Variants in KCTD3 observed in about 807,000 individuals in gnomAD.
The protein encoded by KCTD3 is potassium channel tetramerization domain containing 3, also known as BTB/POZ domain-containing protein KCTD3.
KCTD3 carries 41 observed loss-of-function variants against 85.8 expected under a neutral mutation model. The ratio of observed to expected loss-of-function variants is 0.48; its 90% CI spans 0.37 to 0.62. The LOEUF (loss-of-function observed/expected upper bound fraction) is 0.62, where lower values mean the gene tolerates loss of function less well. Ranked by LOEUF, KCTD3 falls within the 20% of genes least tolerant of loss-of-function variation. KCTD3 has a pLI of 0.00. For missense variants in KCTD3, 724 were observed against 989.9 expected (o/e 0.73, Z 3.60); for synonymous variants, 338 against 345.4 (o/e 0.98, Z 0.24).
At position 215,577,673 on chromosome 1, in the gene KCTD3, A is replaced by G; in HGVS notation, c.261A>G (p.Gly87=). The change falls in exon 5 of 18, where the codon GGA becomes GGG. Residue 87 remains glycine (G), a synonymous_variant. Transcript: ENST00000259154. The part of the protein sequence containing the change: ...FLRTKELDLR[G]VSINVLRHEA... Reference sequence around the variant, plus strand: ...TACATCATTTGTTTCTTTGTAGGGGAGTGAGTATTAATGTTCTCAGGCATG... The same window carrying G: ...TACATCATTTGTTTCTTTGTAGGGGGGTGAGTATTAATGTTCTCAGGCATG... 6.3e-7 allele frequency: 1 copy of G among 1,581,794 alleles called. No individual in the cohort carries two copies. The highest frequency in any genetic ancestry group is 8.7e-7 in the Non-Finnish European group (1 of 1,150,912).
chr1:215,584,964 T>C (rs553592872), intron 8 of KCTD3, among the ~76,000 whole-genome samples: 1 of 152,332 alleles, frequency 6.6e-6, no homozygotes, highest in Non-Finnish European at 1.5e-5. Context: ...AAGAAAAGTG[T>C]TCTTGACTCC....
At chr1:215,574,322 G>A (rs994983202) in intron 3 of KCTD3, among the ~76,000 whole-genome samples, 1 of 152,106 alleles carries the variant, frequency 6.6e-6, no homozygotes, top group Admixed American at 6.5e-5. Flanking sequence ...GGCAATTTAA[G>A]TATTCATGAT....
At position 215,604,112 on chromosome 1, in the gene KCTD3, C is replaced by A; in HGVS notation, c.1139-20C>A. 1 of 1,580,280 alleles carries A rather than the reference C, an allele frequency of 6.3e-7. No individual in the cohort carries two copies. Among genetic ancestry groups the A allele is most frequent in the South Asian group, 1.2e-5 (1 of 85,802 alleles). ...TATCGTTCCATAATGTATCACCTGT[C>A]AACTCTTGACTTTATATAGGTGTCA... is the stretch of plus-strand genomic sequence containing the variant. On this transcript the variant is annotated intron_variant, in intron 12 of 17. Coordinates refer to ENST00000259154, the MANE Select transcript of KCTD3 (RefSeq NM_016121.5).
intron 10 of KCTD3, among the ~76,000 whole-genome samples, chr1:215,600,492 CT>C (rs1383740520): frequency 4.6e-5 from 7 of 152,112 alleles, no homozygotes; most frequent in Non-Finnish European, 1.5e-5. Flanking sequence ...AGTTCTTCCC[CT>C]CTCTCCTGTG....
At chr1:215,604,323 T>C (rs1388650047) in intron 13 of KCTD3, 21 bp downstream of exon 13, 1 of 1,586,018 alleles carries the variant, frequency 6.3e-7, no homozygotes, top group Non-Finnish European at 8.6e-7. Flanking sequence ...TTCATTATAC[T>C]GGTAAGGAAC....
At chr1:215,576,055 TTTTG>T (rs912621174) in intron 4 of KCTD3, 81 bp downstream of exon 4, 5 of 828,146 alleles carry the variant, frequency 6.0e-6, no homozygotes, top group Admixed American at 3.0e-5. Context: ...AAAAGGTTTT[TTTTG>T]TTTGTTTTTT....
intron 9 of KCTD3, among the ~76,000 whole-genome samples, chr1:215,591,287 T>TTTCCTTCC (rs10592000): frequency 0.045 from 4,962 of 110,930 alleles, 180 homozygotes; most frequent in Middle Eastern, 0.064. Context: ...TCCTTCCTTC[T>TTTCCTTCC]TTCCTTCCTT....
intron 12 of KCTD3, among the ~76,000 whole-genome samples, chr1:215,603,047 G>A (rs571074701): frequency 2.5e-4 from 38 of 152,278 alleles, no homozygotes; most frequent in South Asian, 2.1e-4. Flanking sequence ...TGACAGAATT[G>A]AGAGGTTGTG....
chr1:215,577,410 T>G (rs1659628479), intron 4 of KCTD3, among the ~76,000 whole-genome samples: 1 of 152,144 alleles, frequency 6.6e-6, no homozygotes, highest in Non-Finnish European at 1.5e-5. Context: ...AGCCCTAATC[T>G]CTCCTTTAGT....
intron 15 of KCTD3, among the ~76,000 whole-genome samples, chr1:215,612,375 T>C (rs868823117): frequency 6.6e-6 from 1 of 152,144 alleles, no homozygotes; most frequent in Non-Finnish European, 1.5e-5. Context: ...ATTTGCATAA[T>C]CTTGGCACAG....
intron 1 of KCTD3, among the ~76,000 whole-genome samples, chr1:215,568,118 T>A (rs763089131): frequency 3.2e-4 from 49 of 152,268 alleles, no homozygotes; most frequent in Non-Finnish European, 5.3e-4. Context: ...TTGAGGACTT[T>A]ATTTAGTAGA....
intron 9 of KCTD3, among the ~76,000 whole-genome samples, chr1:215,589,528 G>A (rs1399460746): frequency 3.3e-5 from 5 of 152,080 alleles, no homozygotes; most frequent in African/African-American, 1.2e-4. Flanking sequence ...GCTACATAAA[G>A]CACAATAAGG....
At chr1:215,606,415 C>T (rs1204562730) in intron 13 of KCTD3, among the ~76,000 whole-genome samples, 1 of 152,014 alleles carries the variant, frequency 6.6e-6, no homozygotes, top group African/African-American at 2.4e-5. Flanking sequence ...AGAAAATTCT[C>T]CAATAGCAGA....
chr1:215,578,847 T>C (rs1314978373), intron 6 of KCTD3, among the ~76,000 whole-genome samples, 153 bp from the exon 7 acceptor site: 2 of 152,250 alleles, frequency 1.3e-5, no homozygotes, highest in Admixed American at 6.5e-5. Flanking sequence ...TATTTTTTAA[T>C]TGTAATTAAA....
chr1:215,611,961 C>T (rs1465856241), intron 15 of KCTD3, 40 bp downstream of exon 15: 6 of 1,319,656 alleles, frequency 4.5e-6, no homozygotes, highest in African/African-American at 1.4e-5. Flanking sequence ...TCAGAAGCCA[C>T]CTTTTGTCTT....
chr1:215,614,818 A>G (rs1655369599), intron 15 of KCTD3, among the ~76,000 whole-genome samples: 1 of 152,228 alleles, frequency 6.6e-6, no homozygotes, highest in African/African-American at 2.4e-5. Context: ...TTTTCAACAT[A>G]TCTGTTAATA....
At chr1:215,580,925 A>T (rs1267475721) in intron 8 of KCTD3, 1 of 464,232 alleles carries the variant, frequency 2.2e-6, no homozygotes, top group Admixed American at 2.4e-5. Context: ...TCTCAGGTTT[A>T]TATTTTCCTT....
At chr1:215,586,412 T>G (rs1208887221) in intron 8 of KCTD3, 83 bp from the exon 9 acceptor site, 6 of 1,130,310 alleles carry the variant, frequency 5.3e-6, no homozygotes, top group Non-Finnish European at 7.5e-6. Context: ...TTGTTGTTGT[T>G]TTTTGTTTTT....
chr1:215,610,112 T>C (rs1655171340), intron 14 of KCTD3, among the ~76,000 whole-genome samples: 1 of 151,920 alleles, frequency 6.6e-6, no homozygotes. Flanking sequence ...TATATCTTCA[T>C]AGACAAATGG....
Sources: gnomAD v4.1 joint callset for allele counts (sites outside exome capture counted in the v4.1 genomes callset) on GRCh38, gnomAD v4.1.1 for gene constraint, MANE v1.5 for transcripts, NCBI Gene and HGNC (gene_info 2026-07-23, HGNC 2026-07-21) for gene names.